Variants in TMEM117 observed in about 807,000 individuals in gnomAD.
TMEM117 encodes transmembrane protein 117.
In TMEM117, 27 loss-of-function variants were observed where a neutral mutation model predicts 52.4. That is an observed-to-expected ratio of 0.51 (90% CI 0.38 to 0.71). The LOEUF (loss-of-function observed/expected upper bound fraction) is 0.71, where lower values mean the gene tolerates loss of function less well. Among genes scored for constraint, TMEM117 ranks in the 30% least tolerant of loss-of-function variants. TMEM117 has a pLI of 0.00. For missense variants in TMEM117, 556 were observed against 630.5 expected (o/e 0.88, Z 1.26); for synonymous variants, 215 against 206.3 (o/e 1.04, Z -0.36).
At chr12:43,805,768 T>C in the TMEM117 span, 2,327 of 1,344,400 alleles carry the variant, frequency 1.7e-3, 22 homozygotes, top group African/African-American at 0.026. Context: ...GATTCTGGCA[T>C]GGTTCTTTTT....
At position 43,919,821 on chromosome 12, in the gene TMEM117, G is replaced by C. The variant is rs997643407; in HGVS notation, c.278-24389G>C. 7.5e-5 allele frequency among the ~76,000 whole-genome samples: 9 copies of C among 119,552 alleles called. No individual in the cohort carries two copies. In the East Asian group the frequency reaches 8.8e-4, roughly 12 times the overall value. 78.4% of individuals were successfully genotyped at this position (119,552 alleles called of 152,430 possible). A position where few individuals can be genotyped will look rare whatever the true frequency, so the allele number is the denominator to read the frequency against. On this transcript the variant is annotated intron_variant, in intron 2 of 7. Transcript: ENST00000266534. Reference sequence around the variant, plus strand: ...ACACTTTTTGTTGTTGTTGTTAATTGCCATTCTGACAAGTGTGAGGTGATA... The same window carrying C: ...ACACTTTTTGTTGTTGTTGTTAATTCCCATTCTGACAAGTGTGAGGTGATA...
At chr12:44,126,962 C>T (rs1948335816) in intron 3 of TMEM117, among the ~76,000 whole-genome samples, 1 of 152,180 alleles carries the variant, frequency 6.6e-6, no homozygotes, top group African/African-American at 2.4e-5. Context: ...GATTAAGGCA[C>T]AGGTATGAAC....
chr12:43,944,104 G>C (rs1296578746), intron 2 of TMEM117, 106 bp from the exon 3 acceptor site: 17 of 1,003,238 alleles, frequency 1.7e-5, no homozygotes, highest in Non-Finnish European at 4.3e-6. Context: ...TTATGGCAAA[G>C]ACTTCAGAAT....
chr12:43,843,106 C>G (rs1943142109), intron 1 of TMEM117, among the ~76,000 whole-genome samples: 1 of 152,140 alleles, frequency 6.6e-6, no homozygotes, highest in Admixed American at 6.5e-5. Context: ...TACAATGATA[C>G]ACGCAGACAT....
intron 4 of TMEM117, among the ~76,000 whole-genome samples, chr12:44,180,917 G>A (rs1184542254): frequency 6.6e-6 from 1 of 151,854 alleles, no homozygotes; most frequent in African/African-American, 2.4e-5. Flanking sequence ...AGATCCCTGA[G>A]GAATCGCCAC....
chr12:43,810,098 TTGATAA>T, the TMEM117 span, among the ~76,000 whole-genome samples: 15,586 of 152,174 alleles, frequency 0.1, 859 homozygotes, highest in African/African-American at 0.14. Flanking sequence ...AAAAGAATTG[TTGATAA>T]TGATAAGGAT....
At chr12:43,809,043 G>A in the TMEM117 span, among the ~76,000 whole-genome samples, 1 of 152,156 alleles carries the variant, frequency 6.6e-6, no homozygotes, top group Non-Finnish European at 1.5e-5. Context: ...TAGGACTTCT[G>A]ACCTAGATCA....
intron 5 of TMEM117, among the ~76,000 whole-genome samples, chr12:44,254,583 T>C: frequency 6.6e-6 from 1 of 151,944 alleles, no homozygotes; most frequent in East Asian, 1.9e-4. Context: ...AAAATATCCA[T>C]AAAATAGTCA....
intron 5 of TMEM117, among the ~76,000 whole-genome samples, chr12:44,267,258 A>G (rs965943605): frequency 2.6e-5 from 4 of 151,992 alleles, no homozygotes; most frequent in African/African-American, 4.8e-5. Context: ...TTAAATATTT[A>G]GTTCTTTTTG....
intron 3 of TMEM117, among the ~76,000 whole-genome samples, chr12:44,030,484 C>T (rs1014665849): frequency 2.0e-5 from 3 of 152,162 alleles, no homozygotes; most frequent in African/African-American, 7.2e-5. Context: ...AAGTAAAAGT[C>T]ACTAAGAGTT....
chr12:44,311,859 A>ATATATATGTATATATATG lies in TMEM117; in HGVS notation c.768+12140_768+12157dup, dbSNP rs1565701808. 9.1e-4 allele frequency among the ~76,000 whole-genome samples: 100 copies of ATATATATGTATATATATG among 110,420 alleles called. 1 individual carries two copies. The highest frequency in any genetic ancestry group is 4.1e-3 in the African/African-American group (77 of 18,990). The allele number at this position is 110,420 out of a possible 152,430, so 72.4% of individuals were successfully genotyped here. A position where few individuals can be genotyped will look rare whatever the true frequency, so the allele number is the denominator to read the frequency against. ...TATATGTATATATATGTATATATGT[A>ATATATATGTATATATATG]TATATATGTATATATATGTATATAT... On this transcript the variant is annotated intron_variant, in intron 6 of 7. Coordinates refer to ENST00000266534, the MANE Select transcript of TMEM117 (RefSeq NM_032256.3).
intron 2 of TMEM117, among the ~76,000 whole-genome samples, chr12:43,866,620 AAGAC>A (rs1246132507): frequency 6.6e-6 from 1 of 152,016 alleles, no homozygotes; most frequent in Non-Finnish European, 1.5e-5. Context: ...ACAAATCAAC[AAGAC>A]AGTTATCTAT....
rs116815314 is a variant in TMEM117 at position 43,896,527 on chromosome 12, G to A, written c.278-47683G>A. Among the ~76,000 whole-genome samples, 1,162 of 152,294 alleles carry A rather than the reference G, an allele frequency of 7.6e-3. 12 individuals carry two copies. Among genetic ancestry groups the A allele is most frequent in the African/African-American group, 0.025 (1,058 of 41,546 alleles). ...ACATTTGGGAAGACGCAACATTTGA[G>A]TTCAGTCTATAGCACCTTGTACAGG... On this transcript the variant is annotated intron_variant, in intron 2 of 7. Coordinates refer to ENST00000266534, the MANE Select transcript of TMEM117 (RefSeq NM_032256.3).
At chr12:43,829,753 T>C in the TMEM117 span, among the ~76,000 whole-genome samples, 1 of 152,072 alleles carries the variant, frequency 6.6e-6, no homozygotes, top group Admixed American at 6.6e-5. Flanking sequence ...CCTCTGTGTA[T>C]GTGGGAGTGA....
chr12:44,103,900 G>GT (rs949728723), intron 3 of TMEM117, among the ~76,000 whole-genome samples: 5 of 151,416 alleles, frequency 3.3e-5, no homozygotes, highest in South Asian at 2.1e-4. Context: ...TTTTGTTCCT[G>GT]TTTTTTTTCT....
chr12:44,308,770 C>A (rs1950935746), intron 6 of TMEM117, among the ~76,000 whole-genome samples: 2 of 152,152 alleles, frequency 1.3e-5, no homozygotes, highest in South Asian at 2.1e-4. Context: ...CAGGCGCCTG[C>A]CACCGCGCCC....
chr12:44,369,388 A>G (rs1354877402), intron 6 of TMEM117, among the ~76,000 whole-genome samples: 1 of 152,212 alleles, frequency 6.6e-6, no homozygotes, highest in African/African-American at 2.4e-5. Context: ...CTGAAAAGTA[A>G]CAGACTATAT....
chr12:44,188,186 G>A (rs1252916071), intron 4 of TMEM117, among the ~76,000 whole-genome samples: 1 of 152,012 alleles, frequency 6.6e-6, no homozygotes, highest in Admixed American at 6.6e-5. Flanking sequence ...TGCTGATTTG[G>A]GGTTCTCTTT....
the TMEM117 span, chr12:43,802,549 T>C: frequency 3.1e-6 from 3 of 975,770 alleles, no homozygotes; most frequent in Admixed American, 2.6e-5. Flanking sequence ...AATAAATATA[T>C]AGTCATTTCC....
Sources: allele counts gnomAD v4.1 joint callset (sites outside exome capture counted in the v4.1 genomes callset), GRCh38; gene constraint gnomAD v4.1.1; transcripts MANE v1.5; gene names NCBI Gene and HGNC (gene_info 2026-07-23, HGNC 2026-07-21).